Variants in LRRC7 observed in about 807,000 individuals in gnomAD.
LRRC7 encodes the protein leucine-rich repeat-containing protein 7.
LRRC7 carries 23 observed loss-of-function variants against 175.7 expected under a neutral mutation model. That is an observed-to-expected ratio of 0.13 (90% CI 0.09 to 0.19). The LOEUF (loss-of-function observed/expected upper bound fraction) is 0.19. Among genes scored for constraint, LRRC7 ranks in the 10% least tolerant of loss-of-function variants. LRRC7 has a pLI of 1.00. For missense variants in LRRC7, 1,354 were observed against 1,904.7 expected (o/e 0.71, Z 5.38); for synonymous variants, 685 against 680.9 (o/e 1.01, Z -0.09).
At chr1:69,880,800 G>A (rs1686524376) in intron 7 of LRRC7, among the ~76,000 whole-genome samples, 1 of 152,112 alleles carries the variant, frequency 6.6e-6, no homozygotes, top group South Asian at 2.1e-4. Flanking sequence ...ACTGCTTCTA[G>A]GTTGTTCCTT....
At chr1:70,027,232 C>T (rs976697629) in intron 17 of LRRC7, among the ~76,000 whole-genome samples, 2 of 152,080 alleles carry the variant, frequency 1.3e-5, no homozygotes, top group African/African-American at 4.8e-5. Context: ...CAAGTAAATC[C>T]TTTTTTTCCC....
In LRRC7 at chr1:70,076,122, C is replaced by A; in HGVS notation, c.4276C>A (p.His1426Asn). 1.2e-6 allele frequency: 2 copies of A among 1,613,990 alleles called. No homozygotes were observed. The highest frequency in any genetic ancestry group is 1.7e-6 in the Non-Finnish European group (2 of 1,179,970). ...QTLMGSQSLQ[H>N]RSREQQPYEG... is the part of the protein sequence containing the mutation. ...GTTGATGGGGTCCCAAAGCCTTCAG[C>A]ATCGCAGCCGGGAGCAGCAGCCGTA... Residue 1426 changes from histidine (H) to asparagine (N), a missense_variant, in exon 24 of 27, where the codon CAT becomes AAT. Physicochemically the swap from His to Asn is moderately conservative, Grantham distance 68. Transcript: ENST00000651989.
At chr1:69,778,223 C>T (rs1673037503) in intron 3 of LRRC7, among the ~76,000 whole-genome samples, 1 of 152,158 alleles carries the variant, frequency 6.6e-6, no homozygotes, top group Non-Finnish European at 1.5e-5. Context: ...ACCATGTATA[C>T]AATTCCATAG....
At chr1:69,914,048 G>T (rs1471399512) in intron 7 of LRRC7, among the ~76,000 whole-genome samples, 8 of 152,122 alleles carry the variant, frequency 5.3e-5, no homozygotes, top group Admixed American at 4.6e-4. Context: ...CTTTTTTTAA[G>T]TGTCATTAAG....
intron 8 of LRRC7, among the ~76,000 whole-genome samples, chr1:69,953,502 CCTCCTCTA>C (rs1164551562): frequency 6.6e-6 from 1 of 151,946 alleles, no homozygotes; most frequent in Admixed American, 6.6e-5. Context: ...TTCCCTTCTC[CCTCCTCTA>C]CTGTTTGGTG....
At chr1:69,772,696 C>T (rs1366933979) in intron 3 of LRRC7, among the ~76,000 whole-genome samples, 1 of 152,038 alleles carries the variant, frequency 6.6e-6, no homozygotes. Flanking sequence ...GAATTTCAGA[C>T]TATGTTTTGT....
chr1:69,969,966 CT>C (rs1273258097), intron 8 of LRRC7, among the ~76,000 whole-genome samples: 1 of 152,062 alleles, frequency 6.6e-6, no homozygotes, highest in Non-Finnish European at 1.5e-5. Context: ...TGGAAATCAA[CT>C]GCAAAAGGAA....
At chr1:69,964,548 AT>A in intron 8 of LRRC7, among the ~76,000 whole-genome samples, 1 of 152,234 alleles carries the variant, frequency 6.6e-6, no homozygotes, top group South Asian at 2.1e-4. Context: ...TAGAAGTTAG[AT>A]TTTTTTGTTG....
chr1:69,991,619 A>G (rs1346192503), intron 10 of LRRC7, among the ~76,000 whole-genome samples: 1 of 152,160 alleles, frequency 6.6e-6, no homozygotes, highest in Non-Finnish European at 1.5e-5. Flanking sequence ...ATTAGTGATA[A>G]TTGGATGGCG....
At chr1:69,763,093 A>G (rs1231241089) in intron 3 of LRRC7, among the ~76,000 whole-genome samples, 1 of 152,046 alleles carries the variant, frequency 6.6e-6, no homozygotes, top group African/African-American at 2.4e-5. Context: ...TAGGAAATAC[A>G]AAAATGAAAG....
rs79127345 is a variant in LRRC7, at chr1:69,913,212, G to A, written c.648-18295G>A. ...ATTAACAAAGTGGTTTAAAAAATTA[G>A]GTCTTTCCAATATTCTTTCACAAAA... On this transcript the variant is annotated intron_variant, in intron 7 of 26. Transcript: ENST00000651989. Among the ~76,000 whole-genome samples, 598 of 152,126 alleles carry A rather than the reference G, an allele frequency of 3.9e-3. 3 individuals are homozygous for A. The highest frequency in any genetic ancestry group is 0.013 in the African/African-American group (553 of 41,516).
chr1:69,714,843 G>A lies in LRRC7; in HGVS notation c.100+36365G>A, dbSNP rs12082802. Among the ~76,000 whole-genome samples, 1,042 of 152,082 alleles carry A rather than the reference G, an allele frequency of 6.9e-3. 10 individuals carry two copies. Among genetic ancestry groups the A allele is most frequent in the African/African-American group, 0.024 (976 of 41,488 alleles). On this transcript the variant is annotated intron_variant, in intron 2 of 26. Transcript: ENST00000651989. The stretch of plus-strand genomic sequence containing the variant: ...GGAGCATTTTTATCACGTTAAAACC[G>A]TAATTTCTATCTCACTTTAATAATG...
chr1:69,665,229 C>G (rs1658093968), intron 1 of LRRC7, among the ~76,000 whole-genome samples: 1 of 152,108 alleles, frequency 6.6e-6, no homozygotes, highest in Non-Finnish European at 1.5e-5. Flanking sequence ...AATTTAAAGG[C>G]AGGTAATGTG....
At chr1:69,885,961 A>C in intron 7 of LRRC7, among the ~76,000 whole-genome samples, 1 of 123,836 alleles carries the variant, frequency 8.1e-6, no homozygotes, top group Non-Finnish European at 1.7e-5. Context: ...TTCTAGTTTG[A>C]TTGCACTGTG....
intron 8 of LRRC7, among the ~76,000 whole-genome samples, chr1:69,936,621 A>T (rs1415982393): frequency 6.6e-6 from 1 of 152,132 alleles, no homozygotes; most frequent in African/African-American, 2.4e-5. Context: ...TTACATGGAT[A>T]AATTGCATGT....
chr1:69,855,000 G>A (rs1466023995), intron 7 of LRRC7, among the ~76,000 whole-genome samples: 1 of 151,996 alleles, frequency 6.6e-6, no homozygotes, highest in Admixed American at 6.6e-5. Context: ...TAGCCTTTCT[G>A]ATATGTATTA....
At chr1:70,068,705 A>G (rs1038991348) in intron 23 of LRRC7, among the ~76,000 whole-genome samples, 3 of 151,978 alleles carry the variant, frequency 2.0e-5, no homozygotes, top group African/African-American at 4.8e-5. Context: ...GATTGTGTAG[A>G]ATTGGTATGA....
intron 2 of LRRC7, among the ~76,000 whole-genome samples, chr1:69,717,841 AAAAGAAAGAAAG>A (rs1557641408): frequency 0.029 from 548 of 19,184 alleles, 15 homozygotes; most frequent in African/African-American, 0.039. Context: ...AAAGAAAGAA[AAAAGAAAGAAAG>A]GAAAGAAAGA....
intron 1 of LRRC7, among the ~76,000 whole-genome samples, chr1:69,613,712 T>C (rs1649170795): frequency 6.6e-6 from 1 of 152,022 alleles, no homozygotes; most frequent in Admixed American, 6.6e-5. Flanking sequence ...AGTGGATGTA[T>C]ATTTCAAATG....
Sources: allele counts gnomAD v4.1 joint callset (sites outside exome capture counted in the v4.1 genomes callset), GRCh38; gene constraint gnomAD v4.1.1; transcripts MANE v1.5; gene names NCBI Gene and HGNC (gene_info 2026-07-23, HGNC 2026-07-21).